Variants in KCNAB1 observed in about 807,000 individuals in gnomAD.
KCNAB1 encodes the protein potassium voltage-gated channel subfamily A regulatory beta subunit 1.
KCNAB1 carries 35 observed loss-of-function variants against 64.6 expected under a neutral mutation model. The observed-to-expected ratio is 0.54, with a 90% CI of 0.41 to 0.72. The LOEUF is 0.72. KCNAB1 is among the 30% of genes least tolerant of loss of function. The pLI is 0.00. For synonymous variants in KCNAB1, 177 were observed against 183.8 expected (o/e 0.96, Z 0.30); for missense variants, 401 against 512.9 (o/e 0.78, Z 2.11).
intron 8 of KCNAB1, among the ~76,000 whole-genome samples, chr3:156,476,993 A>C (rs1340179986): frequency 6.6e-6 from 1 of 152,084 alleles, no homozygotes; most frequent in Non-Finnish European, 1.5e-5. Context: ...TTTTGTTCCC[A>C]TCTTACCCCT....
intron 1 of KCNAB1, among the ~76,000 whole-genome samples, chr3:156,217,534 G>A (rs773632914): frequency 4.6e-5 from 7 of 152,162 alleles, no homozygotes; most frequent in East Asian, 1.9e-4. Flanking sequence ...AAGTCATTGC[G>A]TTTCCACTAT....
At chr3:156,284,788 G>A (rs1719992095) in intron 1 of KCNAB1, among the ~76,000 whole-genome samples, 2 of 152,218 alleles carry the variant, frequency 1.3e-5, no homozygotes, top group South Asian at 4.1e-4. Flanking sequence ...GACCCCTTGT[G>A]CTTCCCAAGT....
intron 1 of KCNAB1, among the ~76,000 whole-genome samples, chr3:156,199,496 T>C (rs993829137): frequency 1.3e-5 from 2 of 152,256 alleles, no homozygotes; most frequent in Non-Finnish European, 2.9e-5. Flanking sequence ...CCTATATTTC[T>C]TGGAGGCTTT....
At chr3:156,292,116 G>A in intron 1 of KCNAB1, 1 of 1,613,922 alleles carries the variant, frequency 6.2e-7, no homozygotes, top group Non-Finnish European at 8.5e-7. Flanking sequence ...AAGCAGACTG[G>A]CATGAAATAT....
intron 1 of KCNAB1, among the ~76,000 whole-genome samples, chr3:156,123,905 A>G (rs1480060019): frequency 6.6e-6 from 1 of 152,252 alleles, no homozygotes; most frequent in African/African-American, 2.4e-5. Flanking sequence ...AGGAAAATAT[A>G]AAGCAGAAAA....
chr3:156,396,857 C>G lies in KCNAB1; in HGVS notation c.276-24759C>G, dbSNP rs916907691. Among the ~76,000 whole-genome samples the G allele has an allele frequency of 3.9e-5, 6 of 152,342 alleles. No individual in the cohort carries two copies. The South Asian group carries it at 1.2e-3, about 32-fold the overall frequency. On this transcript the variant is annotated intron_variant, in intron 1 of 13. Transcript: ENST00000490337. ...TTTCATGAGGATTTTGTTCTAGTGG[C>G]TCTGGCATTCACATAACCAGTTACT...
chr3:156,413,768 A>G (rs1714856123), intron 1 of KCNAB1, among the ~76,000 whole-genome samples: 1 of 152,184 alleles, frequency 6.6e-6, no homozygotes, highest in Non-Finnish European at 1.5e-5. Flanking sequence ...GCATCACTGA[A>G]CAGCTGTTAT....
chr3:156,330,480 A>G (rs929498381), intron 1 of KCNAB1, among the ~76,000 whole-genome samples: 1 of 152,128 alleles, frequency 6.6e-6, no homozygotes, highest in African/African-American at 2.4e-5. Context: ...TACAGCCACA[A>G]GGGTATTTTA....
chr3:156,127,915 G>GTGTGTGTGTGTT (rs1713755766), intron 1 of KCNAB1, among the ~76,000 whole-genome samples: 1 of 151,710 alleles, frequency 6.6e-6, no homozygotes, highest in Non-Finnish European at 1.5e-5. Context: ...GTGTGTGTGT[G>GTGTGTGTGTGTT]TGTGCACGTG....
chr3:156,261,822 G>A (rs562861873), intron 1 of KCNAB1, among the ~76,000 whole-genome samples: 3 of 151,922 alleles, frequency 2.0e-5, no homozygotes, highest in Non-Finnish European at 4.4e-5. Flanking sequence ...ATCAATTTGG[G>A]GAGAATTTGC....
chr3:156,370,807 C>T (rs1404653443), intron 1 of KCNAB1, among the ~76,000 whole-genome samples: 3 of 152,300 alleles, frequency 2.0e-5, no homozygotes, highest in South Asian at 4.1e-4. Flanking sequence ...ATTAAGGGCT[C>T]ACATACAGGG....
chr3:156,455,475 A>G (rs1712335172), intron 3 of KCNAB1, among the ~76,000 whole-genome samples: 1 of 152,246 alleles, frequency 6.6e-6, no homozygotes, highest in African/African-American at 2.4e-5. Context: ...AAATAAAGAT[A>G]GATGTTACTG....
intron 8 of KCNAB1, among the ~76,000 whole-genome samples, chr3:156,482,990 T>G (rs543286452): frequency 6.6e-6 from 1 of 152,090 alleles, no homozygotes; most frequent in African/African-American, 2.4e-5. Flanking sequence ...TCAAATCAAT[T>G]AAAACACATT....
chr3:156,323,742 G>A (rs945180012), intron 1 of KCNAB1, among the ~76,000 whole-genome samples: 4 of 152,148 alleles, frequency 2.6e-5, no homozygotes, highest in Middle Eastern at 3.4e-3. Flanking sequence ...TATTATAGTC[G>A]TGTCATACCT....
At chr3:156,160,752 T>C (rs906053414) in intron 1 of KCNAB1, among the ~76,000 whole-genome samples, 1 of 152,104 alleles carries the variant, frequency 6.6e-6, no homozygotes, top group Non-Finnish European at 1.5e-5. Flanking sequence ...TCAAGAGACA[T>C]TGGGGAAGTT....
At chr3:156,359,176 A>G (rs1175263121) in intron 1 of KCNAB1, among the ~76,000 whole-genome samples, 1 of 152,202 alleles carries the variant, frequency 6.6e-6, no homozygotes, top group Non-Finnish European at 1.5e-5. Context: ...GGTACTTATT[A>G]AAAATTAATG....
intron 1 of KCNAB1, among the ~76,000 whole-genome samples, chr3:156,163,687 C>T (rs1340342675): frequency 2.6e-5 from 4 of 152,222 alleles, no homozygotes; most frequent in African/African-American, 4.8e-5. Flanking sequence ...CCAGCTGAAT[C>T]TTACGATAAG....
chr3:156,290,791 C>T (rs1343272901), intron 1 of KCNAB1, among the ~76,000 whole-genome samples: 1 of 152,194 alleles, frequency 6.6e-6, no homozygotes, highest in African/African-American at 2.4e-5. Flanking sequence ...CATCCCAGTC[C>T]CTCCTCTGGT....
chr3:156,165,782 G>A (rs1432250899), intron 1 of KCNAB1, among the ~76,000 whole-genome samples: 1 of 152,060 alleles, frequency 6.6e-6, no homozygotes, highest in Non-Finnish European at 1.5e-5. Context: ...GAGCTCTCCT[G>A]GTTTTTCTTT....
Sources: gnomAD v4.1 joint callset for allele counts (sites outside exome capture counted in the v4.1 genomes callset) on GRCh38, gnomAD v4.1.1 for gene constraint, MANE v1.5 for transcripts, NCBI Gene and HGNC (gene_info 2026-07-23, HGNC 2026-07-21) for gene names.